Variants in TTC7B observed in about 807,000 individuals in gnomAD.
The protein encoded by TTC7B is tetratricopeptide repeat protein 7B.
TTC7B carries 28 observed loss-of-function variants against 106.8 expected under a neutral mutation model. That is an observed-to-expected ratio of 0.26 (90% confidence interval 0.19 to 0.36). TTC7B has a LOEUF of 0.36. Among genes scored for constraint, TTC7B ranks in the 10% least tolerant of loss-of-function variants. The pLI is 1.00. For missense variants in TTC7B, 862 were observed against 1,076.4 expected (o/e 0.80, Z 2.79); for synonymous variants, 405 against 430.6 (o/e 0.94, Z 0.74).
At chr14:90,545,458 C>T (rs1452051423) in intron 19 of TTC7B, among the ~76,000 whole-genome samples, 5 of 152,224 alleles carry the variant, frequency 3.3e-5, no homozygotes, top group Non-Finnish European at 7.3e-5. Flanking sequence ...TTAGAGGCAT[C>T]CTGTATATCT....
rs570897905 is a variant in TTC7B at position 90,661,598 on chromosome 14, AC to A, written c.1153-3212del. Reference sequence around the variant, plus strand: ...ATGATCACTGTGGCTGAAATAAGACACGGGAGCCGGTATGTGGAGAGATGGT... The same window carrying A: ...ATGATCACTGTGGCTGAAATAAGACAGGGAGCCGGTATGTGGAGAGATGGT... On this transcript the variant is annotated intron_variant, in intron 9 of 19. Transcript: ENST00000328459. 1.9e-3 allele frequency among the ~76,000 whole-genome samples: 284 copies of A among 152,282 alleles called. 3 individuals are homozygous for A. Among genetic ancestry groups the A allele is most frequent in the African/African-American group, 6.4e-3 (264 of 41,556 alleles).
At chr14:90,689,961 C>A (rs1887406005) in intron 6 of TTC7B, among the ~76,000 whole-genome samples, 1 of 152,214 alleles carries the variant, frequency 6.6e-6, no homozygotes, top group Admixed American at 6.5e-5. Flanking sequence ...ACCTGTCACA[C>A]TCTGGAATAC....
rs189936988 is a variant in TTC7B at position 90,571,368 on chromosome 14, C to T, written c.2310+6738G>A. ...CCAGTAGGAGGCACTACTTTGTCCT[C>T]GGCACTGTGAGTTGGAACTGCAGTT... On this transcript the variant is annotated intron_variant, in intron 19 of 19. Coordinates refer to ENST00000328459, the MANE Select transcript of TTC7B (RefSeq NM_001010854.2). Among the ~76,000 whole-genome samples the T allele has an allele frequency of 6.6e-5, 10 of 152,216 alleles. No homozygotes were observed. The East Asian group carries it at 1.2e-3, about 18-fold the overall frequency.
At chr14:90,796,512 C>T (rs889839357) in intron 1 of TTC7B, among the ~76,000 whole-genome samples, 1 of 152,206 alleles carries the variant, frequency 6.6e-6, no homozygotes, top group African/African-American at 2.4e-5. Flanking sequence ...TGATCCCCCC[C>T]ACCCGGGGAA....
intron 3 of TTC7B, among the ~76,000 whole-genome samples, chr14:90,748,080 C>A (rs1595345757): frequency 6.6e-6 from 1 of 152,124 alleles, no homozygotes; most frequent in Non-Finnish European, 1.5e-5. Flanking sequence ...TCCAATCTGA[C>A]AATCTCTAAC....
In TTC7B at chr14:90,608,110, G is replaced by A. The variant is rs935628023; in HGVS notation, c.1966+2632C>T. On this transcript the variant is annotated intron_variant, in intron 17 of 19. Coordinates refer to ENST00000328459, the MANE Select transcript of TTC7B (RefSeq NM_001010854.2). This position sits in a 1 kb window ranked among gnomAD's most constrained non-coding sequence, Gnocchi z 5.1. ...CGCAAGGCGGGCTCTCCACACAGGT[G>A]TGTGAATGACAGCATCTGCCCCTTC... is the stretch of plus-strand genomic sequence containing the variant. 2.0e-4 allele frequency among the ~76,000 whole-genome samples: 31 copies of A among 152,230 alleles called. No homozygotes were observed. Among genetic ancestry groups the A allele is most frequent in the Non-Finnish European group, 2.6e-4 (18 of 68,048 alleles).
intron 17 of TTC7B, among the ~76,000 whole-genome samples, chr14:90,607,915 T>A (rs1892714025): frequency 1.3e-5 from 2 of 152,216 alleles, no homozygotes. Flanking sequence ...AACAAAAAGC[T>A]AATAAATACA....
chr14:90,734,256 TAA>T (rs543003419), intron 4 of TTC7B, among the ~76,000 whole-genome samples: 11 of 151,880 alleles, frequency 7.2e-5, no homozygotes, highest in Admixed American at 2.0e-4. Context: ...CCGTCTCTAC[TAA>T]AAATACAAAA....
At chr14:90,744,245 A>G (rs1889875579) in intron 4 of TTC7B, among the ~76,000 whole-genome samples, 1 of 152,200 alleles carries the variant, frequency 6.6e-6, no homozygotes. Context: ...ACAGATGCAC[A>G]CTGTCATTTC....
At chr14:90,803,384 A>T (rs2030397134) in intron 1 of TTC7B, among the ~76,000 whole-genome samples, 1 of 152,178 alleles carries the variant, frequency 6.6e-6, no homozygotes, top group African/African-American at 2.4e-5. Context: ...CCCTTCACAG[A>T]TGGAGCCCAA....
intron 9 of TTC7B, among the ~76,000 whole-genome samples, chr14:90,662,126 T>A (rs1455857651): frequency 6.6e-6 from 1 of 152,196 alleles, no homozygotes. Context: ...AAAACTCTTC[T>A]GATTTTGGCA....
At chr14:90,646,772 T>C (rs908486602) in intron 14 of TTC7B, 179 bp downstream of exon 14, 5 of 615,824 alleles carry the variant, frequency 8.1e-6, no homozygotes, top group Non-Finnish European at 1.4e-5. Context: ...TCTTCACAGC[T>C]GATGCTCAAA....
At chr14:90,558,270 G>A (rs910561872) in intron 19 of TTC7B, among the ~76,000 whole-genome samples, 18 of 152,224 alleles carry the variant, frequency 1.2e-4, no homozygotes, top group Non-Finnish European at 2.1e-4. Flanking sequence ...GGTAAGCCCC[G>A]TCTAGATCTC....
chr14:90,727,105 G>A (rs1038114600), intron 5 of TTC7B, among the ~76,000 whole-genome samples: 4 of 152,156 alleles, frequency 2.6e-5, no homozygotes, highest in East Asian at 1.9e-4. Context: ...AAGGGAGGCC[G>A]GGAGAGGAGG....
rs367945006 is a variant in TTC7B at position 90,780,687 on chromosome 14, C to T, written c.445+51G>A. ...GGTCAAATAGGCAGCTCCGAAGAGG[C>T]GCTGCTGGCTCCAGGTCACGGGACA... On this transcript the variant is annotated intron_variant, in intron 3 of 19. Transcript: ENST00000328459. 2.0e-5 allele frequency: 31 copies of T among 1,573,244 alleles called. No homozygotes were observed. In the African/African-American group the frequency reaches 2.9e-4, roughly 15 times the overall value.
chr14:90,704,604 G>A (rs1020013190), intron 5 of TTC7B, among the ~76,000 whole-genome samples: 9 of 152,340 alleles, frequency 5.9e-5, no homozygotes, highest in East Asian at 1.9e-4. Flanking sequence ...GGCTCCCAGC[G>A]GCACAGGCCA....
chr14:90,615,576 C>A (rs1893036885), intron 16 of TTC7B, among the ~76,000 whole-genome samples: 1 of 152,224 alleles, frequency 6.6e-6, no homozygotes, highest in African/African-American at 2.4e-5. Flanking sequence ...CTGATCCCAG[C>A]CTCTAGGCTG....
At position 90,541,347 on chromosome 14, in the gene TTC7B, G is replaced by A. The variant is rs757356929; in HGVS notation, c.*21C>T. ...AGGGCCTCTGAGGCCTGAGCGGCAGGTGAGGCTGGCAGGCGCCTGCTCAGA... is the reference window on the plus strand; with the variant it reads ...AGGGCCTCTGAGGCCTGAGCGGCAGATGAGGCTGGCAGGCGCCTGCTCAGA... On this transcript the variant is annotated 3_prime_UTR_variant, in exon 20 of 20. Transcript: ENST00000328459. The A allele has an allele frequency of 1.9e-6, 3 of 1,574,890 alleles. No homozygotes were observed. Among genetic ancestry groups the A allele is most frequent in the East Asian group, 4.6e-5 (2 of 43,592 alleles).
intron 4 of TTC7B, among the ~76,000 whole-genome samples, chr14:90,736,161 T>G (rs1385821105): frequency 6.6e-6 from 1 of 152,104 alleles, no homozygotes; most frequent in Non-Finnish European, 1.5e-5. Flanking sequence ...TATATATATA[T>G]ATATATACCA....
Sources: gnomAD v4.1 joint callset for allele counts (sites outside exome capture counted in the v4.1 genomes callset) on GRCh38, gnomAD v4.1.1 for gene constraint, Gnocchi (gnomAD v3.1) non-coding constraint, MANE v1.5 for transcripts, NCBI Gene and HGNC (gene_info 2026-07-23, HGNC 2026-07-21) for gene names.